CHN1: variants seen among roughly 807,000 people sequenced by gnomAD.
CHN1 encodes the protein chimerin 1.
A neutral mutation model predicts 59.5 loss-of-function variants in CHN1; 37 were observed. That is an observed-to-expected ratio of 0.62 (90% confidence interval 0.48 to 0.82). CHN1 has a LOEUF of 0.82. Ranked by LOEUF, CHN1 falls within the 40% of genes least tolerant of loss-of-function variation. The pLI, the probability that CHN1 is intolerant of heterozygous loss-of-function variation, is 0.00. For synonymous variants in CHN1, 206 were observed against 200.4 expected, an observed-to-expected ratio of 1.03 and a Z score of -0.24; for missense variants, 469 against 571.0, an observed-to-expected ratio of 0.82 and a Z score of 1.82.
At chr2:174,846,319 T>G (rs886621825) in intron 7 of CHN1, 1 of 1,548,974 alleles carries the variant, frequency 6.5e-7, no homozygotes, top group Non-Finnish European at 8.7e-7. Flanking sequence ...GCATACATGG[T>G]GAAAGCAAAT....
chr2:174,940,436 T>G lies in CHN1; in HGVS notation c.114+4452A>C, dbSNP rs146655593. On this transcript the variant is annotated intron_variant, in intron 3 of 12. Transcript: ENST00000409900. ...TCCAATTGTACTCAAAATTTATAGC[T>G]TTACAATATATATATAAGTTGAGGA... Among the ~76,000 whole-genome samples, 49 of 152,264 alleles carry G rather than the reference T, an allele frequency of 3.2e-4. 1 individual carries two copies. In the East Asian group the frequency reaches 9.3e-3, roughly 29 times the overall value.
intron 3 of CHN1, among the ~76,000 whole-genome samples, chr2:174,919,933 C>T (rs949898185): frequency 6.6e-6 from 1 of 152,108 alleles, no homozygotes; most frequent in Admixed American, 6.5e-5. Context: ...TGAATTCCCA[C>T]CCCAACCACG....
At chr2:174,924,071 A>G (rs1241978539) in intron 3 of CHN1, among the ~76,000 whole-genome samples, 1 of 152,220 alleles carries the variant, frequency 6.6e-6, no homozygotes, top group Non-Finnish European at 1.5e-5. Context: ...CATTGGCATA[A>G]GAATTATTTT....
intron 6 of CHN1, among the ~76,000 whole-genome samples, chr2:174,861,080 T>G (rs1277543580): frequency 6.6e-6 from 1 of 152,060 alleles, no homozygotes; most frequent in East Asian, 1.9e-4. Flanking sequence ...TAAAATTCAG[T>G]GTTAAGTGGT....
chr2:174,963,689 C>G (rs749153051), intron 1 of CHN1, among the ~76,000 whole-genome samples: 1 of 152,142 alleles, frequency 6.6e-6, no homozygotes, highest in Non-Finnish European at 1.5e-5. Flanking sequence ...TATGTTCTTT[C>G]AATTAAATAC....
At chr2:174,971,573 G>C (rs1035966816) in intron 1 of CHN1, among the ~76,000 whole-genome samples, 2 of 152,116 alleles carry the variant, frequency 1.3e-5, no homozygotes, top group Non-Finnish European at 2.9e-5. Flanking sequence ...ATGTTGCACT[G>C]AACACTTACA....
chr2:175,005,230 G>T lies in CHN1; in HGVS notation c.-318C>A, dbSNP rs925340637. ...CCTGCGAGGCAGGAGGCTTGGCCGC[G>T]GCGCAGTGGCTGGCGGAGAGGCGGC... is the stretch of plus-strand genomic sequence containing the variant. On this transcript the variant is annotated 5_prime_UTR_variant, in exon 1 of 13. Coordinates refer to ENST00000409900, the MANE Select transcript of CHN1 (RefSeq NM_001822.7). 4.6e-5 allele frequency: 55 copies of T among 1,190,962 alleles called. No homozygotes were observed. The highest frequency in any genetic ancestry group is 5.6e-5 in the Non-Finnish European group (54 of 959,504). 73.8% of individuals were successfully genotyped at this position (1,190,962 alleles called of 1,614,324 possible).
chr2:174,830,148 G>T (rs1574065129), intron 7 of CHN1, among the ~76,000 whole-genome samples: 5 of 152,124 alleles, frequency 3.3e-5, no homozygotes, highest in African/African-American at 1.2e-4. Context: ...CAGGAGAATG[G>T]CATGAACCCA....
chr2:174,937,526 T>C (rs1689534139), intron 3 of CHN1, among the ~76,000 whole-genome samples: 1 of 152,204 alleles, frequency 6.6e-6, no homozygotes, highest in Middle Eastern at 3.2e-3. Flanking sequence ...TTATCAATTG[T>C]ATTAACTTTT....
chr2:174,990,233 C>CTGTGTG (rs954929353), intron 1 of CHN1, among the ~76,000 whole-genome samples: 10 of 116,080 alleles, frequency 8.6e-5, no homozygotes, highest in East Asian at 2.7e-4. Flanking sequence ...TGTGGTGTGT[C>CTGTGTG]TGTGTGTGTG....
At chr2:174,973,503 A>G (rs2105440714) in intron 1 of CHN1, among the ~76,000 whole-genome samples, 1 of 152,354 alleles carries the variant, frequency 6.6e-6, no homozygotes, top group Admixed American at 6.5e-5. Flanking sequence ...GATATTTTCT[A>G]TGCACAAGCA....
chr2:174,821,592 A>G (rs1341638614), intron 8 of CHN1: 2 of 209,176 alleles, frequency 9.6e-6, no homozygotes, highest in African/African-American at 4.7e-5. Flanking sequence ...AGGCGCTCTT[A>G]TAAAGGGGCT....
At chr2:174,830,219 C>G (rs1051407229) in intron 7 of CHN1, among the ~76,000 whole-genome samples, 2 of 151,008 alleles carry the variant, frequency 1.3e-5, no homozygotes, top group Admixed American at 1.3e-4. Context: ...GGCTACAGAG[C>G]AAGACTCTGT....
At chr2:174,983,497 T>C (rs191510201) in intron 1 of CHN1, among the ~76,000 whole-genome samples, 1 of 151,946 alleles carries the variant, frequency 6.6e-6, no homozygotes, top group African/African-American at 2.4e-5. Context: ...TATCTGAGCA[T>C]AGAATCAAAC....
intron 1 of CHN1, among the ~76,000 whole-genome samples, chr2:174,994,721 G>C (rs1437005557): frequency 6.6e-6 from 1 of 152,102 alleles, no homozygotes; most frequent in Non-Finnish European, 1.5e-5. Context: ...AAGGGATAGG[G>C]ACATGATGGT....
intron 5 of CHN1, among the ~76,000 whole-genome samples, chr2:174,904,281 AT>A (rs1441813349): frequency 6.6e-6 from 1 of 152,032 alleles, no homozygotes; most frequent in African/African-American, 2.4e-5. Flanking sequence ...TAAATAAATA[AT>A]AAAAAATAAA....
At chr2:174,992,822 G>T (rs1335949471) in intron 1 of CHN1, among the ~76,000 whole-genome samples, 11 of 150,828 alleles carry the variant, frequency 7.3e-5, no homozygotes, top group South Asian at 2.1e-4. Flanking sequence ...TTTTTTAAGA[G>T]ACAGAGTCTG....
chr2:174,998,635 T>G (rs1477933066), intron 1 of CHN1, among the ~76,000 whole-genome samples: 1 of 152,224 alleles, frequency 6.6e-6, no homozygotes, highest in Non-Finnish European at 1.5e-5. Context: ...GAGCAGCTGG[T>G]GACATGCTGG....
At chr2:174,966,498 T>G (rs1435465888) in intron 1 of CHN1, among the ~76,000 whole-genome samples, 1 of 152,082 alleles carries the variant, frequency 6.6e-6, no homozygotes, top group Non-Finnish European at 1.5e-5. Flanking sequence ...GTGAAGCAAA[T>G]TTGGAAACCT....
Sources: allele counts gnomAD v4.1 joint callset (sites outside exome capture counted in the v4.1 genomes callset), GRCh38; gene constraint gnomAD v4.1.1; transcripts MANE v1.5; gene names NCBI Gene and HGNC (gene_info 2026-07-23, HGNC 2026-07-21).